The following MGAT4C variants were observed in gnomAD, a reference collection of about 807,000 sequenced individuals.
The protein encoded by MGAT4C is MGAT4 family member C, also known as alpha-1,3-mannosyl-glycoprotein 4-beta-N-acetylglucosaminyltransferase C.
Under a neutral mutation model 40.1 loss-of-function variants are expected in MGAT4C, and 19 were observed. The observed-to-expected ratio is 0.47, with a 90% confidence interval of 0.33 to 0.70. The LOEUF is 0.70. MGAT4C is among the 30% of genes least tolerant of loss of function. MGAT4C has a pLI of 0.02. For synonymous variants in MGAT4C, 181 were observed against 187.1 expected (o/e 0.97, Z 0.27); for missense variants, 491 against 563.2 (o/e 0.87, Z 1.30).
intron 1 of MGAT4C, among the ~76,000 whole-genome samples, chr12:86,771,918 T>A: frequency 6.6e-6 from 1 of 152,284 alleles, no homozygotes; most frequent in Non-Finnish European, 1.5e-5. Flanking sequence ...TGATAAGATT[T>A]GTATTTTTTA....
chr12:85,985,002 A>T (rs113256648), intron 3 of MGAT4C, among the ~76,000 whole-genome samples: 10,781 of 152,158 alleles, frequency 0.071, 536 homozygotes, highest in Middle Eastern at 0.24. Context: ...CTCGTCTCAA[A>T]CTCCTGACCT....
At chr12:86,011,688 A>G in intron 2 of MGAT4C, 1 of 265,192 alleles carries the variant, frequency 3.8e-6, no homozygotes. Context: ...GACACTGTAA[A>G]AACATTAGTA....
chr12:86,650,553 G>A (rs1314390905), intron 2 of MGAT4C, among the ~76,000 whole-genome samples: 1 of 151,786 alleles, frequency 6.6e-6, no homozygotes, highest in Non-Finnish European at 1.5e-5. Context: ...ACTGAAATTG[G>A]GCAGCCCAGA....
rs1347603707 is a variant in MGAT4C at position 86,083,664 on chromosome 12, C to T, written c.-56-33941G>A. ...GACTCATACACAGAGTGAATTATAT[C>T]TGAGCTACATCCTAAATCAACATAT... On this transcript the variant is annotated intron_variant, in intron 1 of 4. Transcript: ENST00000611864. Among the ~76,000 whole-genome samples the T allele has an allele frequency of 2.0e-5, 3 of 152,028 alleles. No individual in the cohort carries two copies. The East Asian group carries it at 5.8e-4, about 29-fold the overall frequency.
intron 2 of MGAT4C, among the ~76,000 whole-genome samples, chr12:86,044,576 T>C (rs1393744649): frequency 3.3e-5 from 5 of 151,852 alleles, no homozygotes; most frequent in Admixed American, 6.6e-5. Flanking sequence ...GGCAAGTGAG[T>C]GCTGGCAAAG....
chr12:86,403,624 A>G (rs1429211155), intron 3 of MGAT4C, among the ~76,000 whole-genome samples: 2 of 152,094 alleles, frequency 1.3e-5, no homozygotes, highest in African/African-American at 4.8e-5. Flanking sequence ...AGTTTTTGAA[A>G]TTTTCGCTCT....
intron 4 of MGAT4C, among the ~76,000 whole-genome samples, chr12:86,263,522 C>T (rs977738922): frequency 1.3e-5 from 2 of 152,076 alleles, no homozygotes; most frequent in Non-Finnish European, 2.9e-5. Context: ...ATTTTTTTGG[C>T]TGAATAGTAC....
chr12:86,559,180 T>G (rs1163788728), intron 2 of MGAT4C, among the ~76,000 whole-genome samples: 4 of 152,008 alleles, frequency 2.6e-5, no homozygotes, highest in Non-Finnish European at 5.9e-5. Context: ...CAAATATTGT[T>G]AGATCTAAAG....
rs75004677 is a variant in MGAT4C at position 86,400,647 on chromosome 12, T to C, written c.-120+34510A>G. Among the ~76,000 whole-genome samples the C allele has an allele frequency of 1.9e-4, 29 of 152,296 alleles. 1 individual carries two copies. In the East Asian group the frequency reaches 5.0e-3, roughly 26 times the overall value. ...TGAATGTAAACATGAGAAAGTAACA[T>C]CATGTTTAAATTACACTTTTTTGTG... On this transcript the variant is annotated intron_variant, in intron 3 of 7. Coordinates refer to the MGAT4C transcript ENST00000548651.
At chr12:86,540,764 A>G (rs1959162376) in intron 2 of MGAT4C, among the ~76,000 whole-genome samples, 1 of 151,132 alleles carries the variant, frequency 6.6e-6, no homozygotes, top group Admixed American at 6.6e-5. Flanking sequence ...GAGAGAGAGA[A>G]ATTCTAAGCT....
chr12:86,514,432 A>G (rs1958648469), intron 2 of MGAT4C, among the ~76,000 whole-genome samples: 1 of 152,186 alleles, frequency 6.6e-6, no homozygotes, highest in Non-Finnish European at 1.5e-5. Flanking sequence ...ATTGGCTAAA[A>G]TCAAGGTGTC....
intron 2 of MGAT4C, among the ~76,000 whole-genome samples, chr12:86,458,198 T>C (rs1036375566): frequency 3.3e-5 from 5 of 152,158 alleles, no homozygotes; most frequent in East Asian, 3.9e-4. Context: ...AAAAAAATAC[T>C]TAAAATCATT....
intron 4 of MGAT4C, among the ~76,000 whole-genome samples, chr12:86,294,363 C>CTT (rs35353980): frequency 1.7e-4 from 26 of 149,862 alleles, no homozygotes; most frequent in Non-Finnish European, 2.4e-4. Flanking sequence ...ACTAAAACTC[C>CTT]TTTTTTTTTT....
chr12:86,093,018 TTGACAGACCCCTGTG>T (rs1327497206), intron 1 of MGAT4C, among the ~76,000 whole-genome samples: 1 of 152,004 alleles, frequency 6.6e-6, no homozygotes, highest in African/African-American at 2.4e-5. Flanking sequence ...TCCCCACCCC[TTGACAGACCCCTGTG>T]TGTGATATTC....
chr12:86,490,662 C>T (rs1378945515), intron 2 of MGAT4C, among the ~76,000 whole-genome samples: 1 of 151,932 alleles, frequency 6.6e-6, no homozygotes, highest in African/African-American at 2.4e-5. Flanking sequence ...CATCAGTGTG[C>T]TGTATTCAGG....
At position 85,973,759 on chromosome 12, in the gene MGAT4C, C is replaced by T. The variant is rs1044927960; in HGVS notation, c.*5530G>A. 1 of 150,628 alleles carries T rather than the reference C, an allele frequency of 6.6e-6. No individual in the cohort carries two copies. The highest frequency in any genetic ancestry group is 2.1e-4 in the South Asian group (1 of 4,814). 9.3% of individuals were successfully genotyped at this position (150,628 alleles called of 1,614,324 possible). ...CTTTTTGGTAAATCTTCTAAGAGAC[C>T]GTCTAGACAGAGTGAAATGAAAGCT... On this transcript the variant is annotated 3_prime_UTR_variant, in exon 5 of 5. Coordinates refer to ENST00000611864, the MANE Select transcript of MGAT4C (RefSeq NM_001351288.2).
chr12:86,296,695 G>A (rs1027900608), intron 4 of MGAT4C, among the ~76,000 whole-genome samples: 3 of 152,212 alleles, frequency 2.0e-5, no homozygotes, highest in Admixed American at 1.3e-4. Flanking sequence ...CAGCGGCTCC[G>A]AGTGCGGGGC....
At chr12:86,448,924 C>T (rs1179646796) in intron 2 of MGAT4C, among the ~76,000 whole-genome samples, 1 of 152,116 alleles carries the variant, frequency 6.6e-6, no homozygotes, top group African/African-American at 2.4e-5. Flanking sequence ...TATTTTACAA[C>T]TCAAATAGCT....
chr12:86,077,514 A>T (rs1869975641), intron 1 of MGAT4C, among the ~76,000 whole-genome samples: 1 of 152,214 alleles, frequency 6.6e-6, no homozygotes, highest in Admixed American at 6.5e-5. Flanking sequence ...CATGACAATT[A>T]CAGTCCTCAT....
Sources: gnomAD v4.1 joint callset for allele counts (sites outside exome capture counted in the v4.1 genomes callset) on GRCh38, gnomAD v4.1.1 for gene constraint, MANE v1.5 for transcripts, NCBI Gene and HGNC (gene_info 2026-07-23, HGNC 2026-07-21) for gene names.